The following DIP2C variants were observed in gnomAD, a reference collection of about 807,000 sequenced individuals.
The protein encoded by DIP2C is disco-interacting protein 2 homolog C.
In DIP2C, 33 loss-of-function variants were observed where a neutral mutation model predicts 192.4. That is an observed-to-expected ratio of 0.17 (90% CI 0.13 to 0.23). The LOEUF (loss-of-function observed/expected upper bound fraction) is 0.23. Among genes scored for constraint, DIP2C ranks in the 10% least tolerant of loss-of-function variants. DIP2C has a pLI of 1.00. For missense variants in DIP2C, 1,537 were observed against 2,110.1 expected, an observed-to-expected ratio of 0.73 and a Z score of 5.32; for synonymous variants, 979 against 864.1, an observed-to-expected ratio of 1.13 and a Z score of -2.33.
intron 22 of DIP2C, among the ~76,000 whole-genome samples, chr10:358,511 G>A (rs568780207): frequency 1.5e-5 from 2 of 135,922 alleles, no homozygotes; most frequent in South Asian, 5.6e-4. Context: ...AGTGAGGTGT[G>A]GAAGAATAAA....
In DIP2C at chr10:390,011, T is replaced by G; in HGVS notation, c.1577A>C (p.Gln526Pro). 6.2e-7 allele frequency: 1 copy of G among 1,613,888 alleles called. No homozygotes were observed. The highest frequency in any genetic ancestry group is 8.5e-7 in the Non-Finnish European group (1 of 1,179,832). ...ALLTHCQALT[Q>P]ACGYTEAETI... ...CCCACCTTCCGTGTAGCCACACGCCTGCGTCAGGGCCTGGCAGTGTGTCAG... is the reference window on the plus strand; with the variant it reads ...CCCACCTTCCGTGTAGCCACACGCCGGCGTCAGGGCCTGGCAGTGTGTCAG... Residue 526 changes from glutamine (Q) to proline (P), a missense_variant, in exon 13 of 37, where the codon CAG (glutamine) becomes CCG (proline). Transcript: ENST00000280886.
intron 4 of DIP2C, among the ~76,000 whole-genome samples, chr10:423,832 C>T (rs1387853152): frequency 6.6e-6 from 1 of 152,186 alleles, no homozygotes; most frequent in Non-Finnish European, 1.5e-5. Flanking sequence ...TCCACCTCCC[C>T]GTTTTCCTCC....
chr10:540,213 T>C (rs1203558937), intron 1 of DIP2C, among the ~76,000 whole-genome samples: 1 of 152,272 alleles, frequency 6.6e-6, no homozygotes, highest in Admixed American at 6.5e-5. Context: ...ATTCTAGGTC[T>C]CCCGCAGACA....
chr10:374,488 A>AGACAGG (rs1183677328), intron 17 of DIP2C, among the ~76,000 whole-genome samples: 1 of 152,168 alleles, frequency 6.6e-6, no homozygotes, highest in Non-Finnish European at 1.5e-5. Context: ...CCTGTTTAGC[A>AGACAGG]GACAGGGGCA....
At position 316,145 on chromosome 10, in the gene DIP2C, ACT is replaced by A. The variant is rs570641364; in HGVS notation, c.3925-6055_3925-6054del. On this transcript the variant is annotated intron_variant, in intron 31 of 36. Transcript: ENST00000280886. ...TAATTGCAGCATGTCTCTTCTACTG[ACT>A]CTTTCTAGGGCCATCTCCTCTCATG... Among the ~76,000 whole-genome samples, 61 of 151,296 alleles carry A rather than the reference ACT, an allele frequency of 4.0e-4. No homozygotes were observed. In the South Asian group the frequency reaches 0.013, roughly 31 times the overall value.
At chr10:489,911 G>A (rs1301012842) in intron 1 of DIP2C, among the ~76,000 whole-genome samples, 5 of 34,504 alleles carry the variant, frequency 1.4e-4, no homozygotes, top group African/African-American at 6.0e-4. Context: ...CTCTGACGGT[G>A]CCTGGTCCTT....
chr10:319,706 C>T (rs148579175), intron 31 of DIP2C, among the ~76,000 whole-genome samples: 7 of 152,314 alleles, frequency 4.6e-5, no homozygotes, highest in African/African-American at 1.7e-4. Flanking sequence ...CCACTTTTAT[C>T]ATAAATTTAG....
chr10:678,325 T>A (rs1830943599), intron 1 of DIP2C, among the ~76,000 whole-genome samples: 1 of 152,024 alleles, frequency 6.6e-6, no homozygotes, highest in African/African-American at 2.4e-5. Context: ...GAGTATCGAC[T>A]AAAAGGGGCC....
chr10:577,331 G>A (rs1386317338), intron 1 of DIP2C, among the ~76,000 whole-genome samples: 8 of 152,144 alleles, frequency 5.3e-5, no homozygotes, highest in Admixed American at 3.9e-4. Context: ...AAGAAGTATC[G>A]GTACTGTAAC....
chr10:323,630 C>T (rs978148948), intron 31 of DIP2C, among the ~76,000 whole-genome samples: 1 of 152,208 alleles, frequency 6.6e-6, no homozygotes, highest in African/African-American at 2.4e-5. Flanking sequence ...TGATTTTTTA[C>T]ATCAAATGAT....
intron 1 of DIP2C, among the ~76,000 whole-genome samples, chr10:577,400 C>T (rs771800419): frequency 1.3e-5 from 2 of 152,218 alleles, no homozygotes; most frequent in Non-Finnish European, 2.9e-5. Flanking sequence ...AGTACCCTTT[C>T]TATGTGGCCG....
intron 36 of DIP2C, 136 bp from the exon 37 acceptor site, chr10:277,713 C>T (rs1376847884): frequency 4.2e-6 from 5 of 1,200,676 alleles, no homozygotes; most frequent in Non-Finnish European, 5.7e-6. Context: ...TCTCCACGTC[C>T]TCCGTCTGCC....
In DIP2C at chr10:320,504, G is replaced by A. The variant is rs573084033; in HGVS notation, c.3924+6502C>T. Among the ~76,000 whole-genome samples the A allele has an allele frequency of 3.4e-4, 46 of 135,838 alleles. 1 individual carries two copies. The highest frequency in any genetic ancestry group is 4.1e-4 in the Non-Finnish European group (27 of 65,156). 89.1% of individuals were successfully genotyped at this position (135,838 alleles called of 152,430 possible). A position where few individuals can be genotyped will look rare whatever the true frequency, so the allele number is the denominator to read the frequency against. ...GCCTGGATGACAAGAGCAAGACTCC[G>A]TCTCAAAAAAAAAAAAAAAAATCAA... is the stretch of plus-strand genomic sequence containing the variant. On this transcript the variant is annotated intron_variant, in intron 31 of 36. Transcript: ENST00000280886.
chr10:398,236 C>T (rs915132005), intron 10 of DIP2C, among the ~76,000 whole-genome samples: 2 of 152,104 alleles, frequency 1.3e-5, no homozygotes, highest in African/African-American at 4.8e-5. Context: ...CCATTTACAC[C>T]TATTCTCTCT....
chr10:536,553 C>A (rs1847707354), intron 1 of DIP2C, among the ~76,000 whole-genome samples: 1 of 152,182 alleles, frequency 6.6e-6, no homozygotes, highest in African/African-American at 2.4e-5. Context: ...AACAGGGACA[C>A]CACAGTCCTG....
chr10:490,338 C>G (rs1844343824), intron 1 of DIP2C, among the ~76,000 whole-genome samples: 1 of 152,264 alleles, frequency 6.6e-6, no homozygotes, highest in South Asian at 2.1e-4. Context: ...ACTAAAGGCG[C>G]AAATGCTCCG....
intron 29 of DIP2C, among the ~76,000 whole-genome samples, chr10:329,806 C>T (rs1323424454): frequency 7.9e-5 from 12 of 152,220 alleles, no homozygotes; most frequent in Non-Finnish European, 1.8e-4. Context: ...ATACGTACTA[C>T]AGAATCATGG....
chr10:335,478 C>T (rs913220086), intron 29 of DIP2C, among the ~76,000 whole-genome samples: 2 of 152,260 alleles, frequency 1.3e-5, no homozygotes, highest in African/African-American at 4.8e-5. Context: ...TTTGCACAGG[C>T]ACACTGCAAG....
At chr10:532,700 T>G (rs1847471020) in intron 1 of DIP2C, among the ~76,000 whole-genome samples, 1 of 94,312 alleles carries the variant, frequency 1.1e-5, no homozygotes, top group Non-Finnish European at 2.4e-5. Context: ...AGAGTATGGG[T>G]GTGAGAGAGA....
Sources: gnomAD v4.1 joint callset for allele counts (sites outside exome capture counted in the v4.1 genomes callset) on GRCh38, gnomAD v4.1.1 for gene constraint, MANE v1.5 for transcripts, NCBI Gene and HGNC (gene_info 2026-07-23, HGNC 2026-07-21) for gene names.